NSD1: variants seen among roughly 807,000 people sequenced by gnomAD.
NSD1 encodes nuclear receptor binding SET domain protein 1, also known as histone-lysine N-methyltransferase, H3 lysine-36 specific.
A neutral mutation model predicts 242.7 loss-of-function variants in NSD1; 26 were observed. The observed-to-expected ratio is 0.11, with a 90% CI of 0.08 to 0.15. The LOEUF (loss-of-function observed/expected upper bound fraction) is 0.15. Ranked by LOEUF, NSD1 falls within the 10% of genes least tolerant of loss-of-function variation. NSD1 has a pLI of 1.00. For synonymous variants in NSD1, 1,106 were observed against 1,178.1 expected, an observed-to-expected ratio of 0.94 and a Z score of 1.25; for missense variants, 2,495 against 3,272.8, an observed-to-expected ratio of 0.76 and a Z score of 5.80.
In NSD1 at chr5:177,198,274, C is replaced by G. The variant is rs76212397; in HGVS notation, c.1064-5846C>G. Among the ~76,000 whole-genome samples, 344 of 152,268 alleles carry G rather than the reference C, an allele frequency of 2.3e-3. 4 individuals carry two copies. In the East Asian group the frequency reaches 0.027, roughly 12 times the overall value. On this transcript the variant is annotated intron_variant, in intron 3 of 22. Transcript: ENST00000439151. Reference sequence around the variant, plus strand: ...CTCCTGGCCTTAAGTGATCCTCCCGCCTTGGCCTCCCAACGTGCTGAGATT... The same window carrying G: ...CTCCTGGCCTTAAGTGATCCTCCCGGCTTGGCCTCCCAACGTGCTGAGATT...
At chr5:177,266,359 G>A (rs769882017) in intron 14 of NSD1, 21 of 696,794 alleles carry the variant, frequency 3.0e-5, no homozygotes, top group Non-Finnish European at 5.4e-5. Context: ...TGACCTTGCG[G>A]GCCCGGCCTT....
intron 2 of NSD1, among the ~76,000 whole-genome samples, chr5:177,147,552 T>C (rs1408184313): frequency 6.6e-6 from 1 of 152,170 alleles, no homozygotes; most frequent in East Asian, 1.9e-4. Flanking sequence ...TTCCAGGGGA[T>C]TCATCTAAGT....
intron 5 of NSD1, among the ~76,000 whole-genome samples, chr5:177,231,283 C>T (rs1399004325): frequency 6.6e-6 from 1 of 151,820 alleles, no homozygotes; most frequent in Non-Finnish European, 1.5e-5. Flanking sequence ...CGAGGTCTCG[C>T]CATGTTCCCC....
chr5:177,291,412 T>C (rs1455952340), intron 21 of NSD1, among the ~76,000 whole-genome samples: 3 of 152,164 alleles, frequency 2.0e-5, no homozygotes, highest in Non-Finnish European at 4.4e-5. Context: ...CCTAGCACTT[T>C]AGGAGGCCAA....
chr5:177,238,534 T>C lies in NSD1; in HGVS notation c.4192+27T>C. 1 of 1,608,648 alleles carries C rather than the reference T, an allele frequency of 6.2e-7. No individual in the cohort carries two copies. The highest frequency in any genetic ancestry group is 8.5e-7 in the Non-Finnish European group (1 of 1,179,520). On this transcript the variant is annotated intron_variant, in intron 7 of 22. Transcript: ENST00000439151. This position sits in a 1 kb window ranked among gnomAD's most constrained non-coding sequence, Gnocchi z 4.6. ...TAAGGTGGGGTTGGGGTCTCAGTAT[T>C]TGAGCAGATATGATTAGAGGAAGCA...
In NSD1 at chr5:177,134,661, G is replaced by T. The variant is rs563102294; in HGVS notation, c.-17-426G>T. On this transcript the variant is annotated intron_variant, in intron 1 of 22. Coordinates refer to ENST00000439151, the MANE Select transcript of NSD1 (RefSeq NM_022455.5). This position sits in a 1 kb window ranked among gnomAD's most constrained non-coding sequence, Gnocchi z 4.2. ...CCGCTGCGCCCTAGCGAGCCAGGAA[G>T]GGGGGGGTACCTTTTTGTGCAGGGT... 1.1e-3 allele frequency among the ~76,000 whole-genome samples: 171 copies of T among 151,822 alleles called. No individual in the cohort carries two copies. Among genetic ancestry groups the T allele is most frequent in the African/African-American group, 3.8e-3 (156 of 41,474 alleles).
intron 5 of NSD1, among the ~76,000 whole-genome samples, chr5:177,217,824 C>T (rs1411294565): frequency 1.3e-5 from 2 of 151,774 alleles, no homozygotes; most frequent in Non-Finnish European, 2.9e-5. Flanking sequence ...CCTGACACCA[C>T]GCCCGGCTAA....
At chr5:177,218,995 T>C (rs1164633093) in intron 5 of NSD1, among the ~76,000 whole-genome samples, 3 of 152,110 alleles carry the variant, frequency 2.0e-5, no homozygotes, top group South Asian at 2.1e-4. Flanking sequence ...GATGTTGCTC[T>C]GTAGTTTATC....
intron 2 of NSD1, among the ~76,000 whole-genome samples, chr5:177,149,971 CTG>C (rs1757569383): frequency 6.6e-6 from 1 of 152,068 alleles, no homozygotes; most frequent in Non-Finnish European, 1.5e-5. Flanking sequence ...CAGTCTTACT[CTG>C]TCACCCAGGC....
chr5:177,263,981 T>C (rs1757197971), intron 14 of NSD1, among the ~76,000 whole-genome samples: 1 of 150,576 alleles, frequency 6.6e-6, no homozygotes, highest in East Asian at 1.9e-4. Flanking sequence ...ATTTTAAAAG[T>C]ATAATGAAAT....
intron 1 of NSD1, 53 bp from the exon 2 acceptor site, chr5:177,135,034 T>G (rs1756196919): frequency 8.7e-6 from 13 of 1,490,382 alleles, no homozygotes; most frequent in Non-Finnish European, 1.1e-5. Flanking sequence ...TTTTAAAGAG[T>G]CGAGTCAGAT....
chr5:177,269,458 C>G lies in NSD1; in HGVS notation c.5304-144C>G. ...CTAGCACATACGACTTGTTTGTGTT[C>G]TAGTTAGGTTGTAAGAATGCCGTAA... On this transcript the variant is annotated intron_variant, in intron 15 of 22. Transcript: ENST00000439151. The surrounding 1 kb of genome is among the most constrained non-coding windows in gnomAD (Gnocchi z 5.1). 1 of 757,312 alleles carries G rather than the reference C, an allele frequency of 1.3e-6. No individual in the cohort carries two copies. Among genetic ancestry groups the G allele is most frequent in the East Asian group, 2.7e-5 (1 of 37,338 alleles). The allele number at this position is 757,312 out of a possible 1,614,324, so 46.9% of individuals were successfully genotyped here. A position where few individuals can be genotyped will look rare whatever the true frequency, so the allele number is the denominator to read the frequency against.
intron 2 of NSD1, among the ~76,000 whole-genome samples, chr5:177,186,063 A>ATGTTATATATAATATATTATATATAAC (rs1562172643): frequency 3.7e-5 from 4 of 108,400 alleles, no homozygotes; most frequent in African/African-American, 1.9e-4. Context: ...TATAACATAT[A>ATGTTATATATAATATATTATATATAAC]ATATATGTTA....
At position 177,295,812 on chromosome 5, in the gene NSD1, A is replaced by G. The variant is rs1362208199; in HGVS notation, c.*353A>G. 4.6e-6 allele frequency: 2 copies of G among 438,746 alleles called. No individual in the cohort carries two copies. The highest frequency in any genetic ancestry group is 2.4e-5 in the South Asian group (1 of 42,074). The allele number at this position is 438,746 out of a possible 1,614,324, so 27.2% of individuals were successfully genotyped here. On this transcript the variant is annotated 3_prime_UTR_variant, in exon 23 of 23. Coordinates refer to ENST00000439151, the MANE Select transcript of NSD1 (RefSeq NM_022455.5). This position sits in a 1 kb window ranked among gnomAD's most constrained non-coding sequence, Gnocchi z 4.3. The stretch of plus-strand genomic sequence containing the variant: ...AGGTTGGAAGGTATAGGGGCTCTCA[A>G]AGCGATTTCCCCAACCAGACAGAGC...
chr5:177,270,260 C>T (rs1562281418), intron 16 of NSD1, among the ~76,000 whole-genome samples: 1 of 152,138 alleles, frequency 6.6e-6, no homozygotes, highest in Admixed American at 6.5e-5. Flanking sequence ...AGCATAAATG[C>T]TCTGAATCAA....
chr5:177,131,942 T>G (rs2149750732), upstream of NSD1, among the ~76,000 whole-genome samples: 1 of 152,240 alleles, frequency 6.6e-6, no homozygotes, highest in Middle Eastern at 3.4e-3. Flanking sequence ...GAGGTGAGCT[T>G]CTTGGTGGGG....
chr5:177,257,228 C>CT lies in NSD1; in HGVS notation c.4966+96dup, dbSNP rs373383515. ...GCAACAGATATTTTCTTTTTTCTTT[C>CT]TTTTTTTTTTTTTTTTTTTGGAGAC... On this transcript the variant is annotated intron_variant, in intron 13 of 22. Transcript: ENST00000439151. 0.075 allele frequency: 54,760 copies of CT among 726,856 alleles called. 143 individuals carry two copies. Among genetic ancestry groups the CT allele is most frequent in the Admixed American group, 0.11 (3,595 of 33,246 alleles). 45.0% of individuals were successfully genotyped at this position (726,856 alleles called of 1,614,324 possible). A position where few individuals can be genotyped will look rare whatever the true frequency, so the allele number is the denominator to read the frequency against.
chr5:177,286,304 C>T (rs1011026896), intron 20 of NSD1, among the ~76,000 whole-genome samples: 13 of 152,280 alleles, frequency 8.5e-5, no homozygotes, highest in East Asian at 3.9e-4. Context: ...TAGTTACTTT[C>T]GGGTTTTGCG....
At position 177,295,657 on chromosome 5, in the gene NSD1, A is replaced by G; in HGVS notation, c.*198A>G. The G allele has an allele frequency of 4.5e-6, 3 of 662,666 alleles. No homozygotes were observed. Among genetic ancestry groups the G allele is most frequent in the East Asian group, 2.8e-5 (1 of 36,162 alleles). The allele number at this position is 662,666 out of a possible 1,614,324, so 41.0% of individuals were successfully genotyped here. A position where few individuals can be genotyped will look rare whatever the true frequency, so the allele number is the denominator to read the frequency against. On this transcript the variant is annotated 3_prime_UTR_variant, in exon 23 of 23. Transcript: ENST00000439151. This position sits in a 1 kb window ranked among gnomAD's most constrained non-coding sequence, Gnocchi z 4.3. ...GGGCTTATGGTTGTGTGAACCATGT[A>G]TGAAAATCCAGTGGGCCCCAACCAA...
Sources: allele counts gnomAD v4.1 joint callset (sites outside exome capture counted in the v4.1 genomes callset), GRCh38; gene constraint gnomAD v4.1.1; non-coding constraint Gnocchi (gnomAD v3.1); transcripts MANE v1.5; gene names NCBI Gene and HGNC (gene_info 2026-07-23, HGNC 2026-07-21).